TTC27: variants seen among roughly 807,000 people sequenced by gnomAD.
TTC27 encodes the protein tetratricopeptide repeat domain 27, also known as tetratricopeptide repeat protein 27.
A neutral mutation model predicts 115.9 loss-of-function variants in TTC27; 79 were observed. That is an observed-to-expected ratio of 0.68 (90% CI 0.57 to 0.82). TTC27 has a LOEUF of 0.82. TTC27 is among the 40% of genes least tolerant of loss of function. TTC27 has a pLI of 0.00. For missense variants in TTC27, 1,054 were observed against 993.1 expected, an observed-to-expected ratio of 1.06 and a Z score of -0.82; for synonymous variants, 401 against 356.0, an observed-to-expected ratio of 1.13 and a Z score of -1.42.
At chr2:32,704,932 G>C (rs1667315370) in intron 10 of TTC27, 1 of 470,842 alleles carries the variant, frequency 2.1e-6, no homozygotes, top group Non-Finnish European at 4.4e-6. Context: ...GTGTTTGTGA[G>C]ATTTCTCCCC....
chr2:32,783,274 C>G (rs1027087264), intron 15 of TTC27, among the ~76,000 whole-genome samples: 22 of 152,048 alleles, frequency 1.4e-4, no homozygotes, highest in Admixed American at 9.8e-4. Flanking sequence ...TCATGTCATC[C>G]TGGATCAGAA....
intron 7 of TTC27, among the ~76,000 whole-genome samples, chr2:32,668,010 C>A (rs1406982527): frequency 6.6e-6 from 1 of 151,396 alleles, no homozygotes; most frequent in Admixed American, 6.6e-5. Context: ...ATGGTGAAAC[C>A]CCGTCTCTAT....
At chr2:32,670,435 A>T (rs1231741482) in intron 7 of TTC27, among the ~76,000 whole-genome samples, 1 of 152,256 alleles carries the variant, frequency 6.6e-6, no homozygotes, top group Admixed American at 6.5e-5. Context: ...AGAATTTCCA[A>T]TAAATGGAAT....
chr2:32,629,436 A>AT (rs999469925), intron 1 of TTC27, among the ~76,000 whole-genome samples: 13 of 150,116 alleles, frequency 8.7e-5, no homozygotes, highest in African/African-American at 2.2e-4. Context: ...GCAATGATTT[A>AT]TTTTTTTTAT....
At chr2:32,731,973 G>A (rs937406362) in intron 10 of TTC27, among the ~76,000 whole-genome samples, 1 of 151,958 alleles carries the variant, frequency 6.6e-6, no homozygotes, top group African/African-American at 2.4e-5. Context: ...TTAATTTTTT[G>A]CATGTTATTA....
intron 7 of TTC27, among the ~76,000 whole-genome samples, chr2:32,670,945 G>A (rs539018924): frequency 1.1e-3 from 111 of 104,858 alleles, no homozygotes; most frequent in Non-Finnish European, 2.0e-3. Context: ...AATTTGAGTT[G>A]TTTGTCTTCT....
At chr2:32,666,368 T>G (rs1665776647) in intron 6 of TTC27, among the ~76,000 whole-genome samples, 1 of 151,886 alleles carries the variant, frequency 6.6e-6, no homozygotes, top group Non-Finnish European at 1.5e-5. Context: ...ACTTTTTTTT[T>G]TTTTTTTTAA....
At chr2:32,750,617 G>C (rs539819142) in intron 12 of TTC27, among the ~76,000 whole-genome samples, 153 of 152,346 alleles carry the variant, frequency 1.0e-3, no homozygotes, top group African/African-American at 3.5e-3. Context: ...AGCAGGTACA[G>C]ATTATTCCAT....
At chr2:32,629,579 C>T (rs549119625) in intron 1 of TTC27, among the ~76,000 whole-genome samples, 4 of 150,394 alleles carry the variant, frequency 2.7e-5, no homozygotes, top group African/African-American at 4.9e-5. Context: ...GGACTAAAGG[C>T]GCCTGCCACC....
At chr2:32,764,139 C>T (rs2148000227) in intron 13 of TTC27, among the ~76,000 whole-genome samples, 1 of 152,234 alleles carries the variant, frequency 6.6e-6, no homozygotes, top group South Asian at 2.1e-4. Context: ...TTTTGTCAGT[C>T]TCTTCTACCT....
intron 4 of TTC27, among the ~76,000 whole-genome samples, chr2:32,648,116 C>T (rs1263035684): frequency 6.6e-6 from 1 of 151,976 alleles, no homozygotes; most frequent in Non-Finnish European, 1.5e-5. Context: ...GAGAGATTTT[C>T]ACTCTTCACC....
chr2:32,774,822 G>A (rs1399377832), intron 13 of TTC27, among the ~76,000 whole-genome samples: 5 of 152,206 alleles, frequency 3.3e-5, no homozygotes, highest in Non-Finnish European at 5.9e-5. Context: ...GAACACCACT[G>A]TGTGCAAAGC....
chr2:32,713,131 C>T (rs548400286), intron 10 of TTC27, among the ~76,000 whole-genome samples: 43 of 152,258 alleles, frequency 2.8e-4, no homozygotes, highest in African/African-American at 9.6e-4. Flanking sequence ...AGCAAGAGGT[C>T]TTTTCCAGAT....
chr2:32,681,702 T>C (rs1666431107), intron 9 of TTC27, among the ~76,000 whole-genome samples: 1 of 151,188 alleles, frequency 6.6e-6, no homozygotes, highest in Admixed American at 6.6e-5. Flanking sequence ...GTTTCCCAAC[T>C]GTAGGCTAAC....
At chr2:32,679,582 T>C (rs1217108263) in intron 9 of TTC27, among the ~76,000 whole-genome samples, 1 of 152,228 alleles carries the variant, frequency 6.6e-6, no homozygotes, top group Non-Finnish European at 1.5e-5. Context: ...AGATATATCA[T>C]TTTTTCAAAG....
chr2:32,633,801 G>A, intron 2 of TTC27, 75 bp from the exon 3 acceptor site: 1 of 1,461,122 alleles, frequency 6.8e-7, no homozygotes, highest in Non-Finnish European at 9.3e-7. Context: ...TAATAAAACT[G>A]AAATGGAATA....
chr2:32,714,288 A>G (rs943163210), intron 10 of TTC27, among the ~76,000 whole-genome samples: 5 of 151,472 alleles, frequency 3.3e-5, no homozygotes, highest in African/African-American at 7.3e-5. Context: ...TCTCCCGAGT[A>G]TCTGGCACTA....
chr2:32,743,999 T>C (rs1668734068), intron 12 of TTC27, among the ~76,000 whole-genome samples: 1 of 152,242 alleles, frequency 6.6e-6, no homozygotes, highest in Admixed American at 6.5e-5. Flanking sequence ...CATCCAATGT[T>C]TATAGACTAC....
chr2:32,704,572 C>T (rs1024951514), intron 10 of TTC27, among the ~76,000 whole-genome samples: 1 of 152,134 alleles, frequency 6.6e-6, no homozygotes, highest in Non-Finnish European at 1.5e-5. Flanking sequence ...TAGCCTTCAC[C>T]GTGAGATCTC....
Sources: allele counts gnomAD v4.1 joint callset (sites outside exome capture counted in the v4.1 genomes callset), GRCh38; gene constraint gnomAD v4.1.1; transcripts MANE v1.5; gene names NCBI Gene and HGNC (gene_info 2026-07-23, HGNC 2026-07-21).